SBF2: variants seen among roughly 807,000 people sequenced by gnomAD.
SBF2 encodes the protein SET binding factor 2.
Under a neutral mutation model 225.2 loss-of-function variants are expected in SBF2, and 112 were observed. The observed-to-expected ratio is 0.50, with a 90% CI of 0.43 to 0.58. The LOEUF is 0.58. Among genes scored for constraint, SBF2 ranks in the 20% least tolerant of loss-of-function variants. SBF2 has a pLI of 0.00. For missense variants in SBF2, 1,996 were observed against 2,206.2 expected, an observed-to-expected ratio of 0.90 and a Z score of 1.91; for synonymous variants, 763 against 773.3, an observed-to-expected ratio of 0.99 and a Z score of 0.22.
chr11:10,049,126 T>C (rs1302540651), intron 2 of SBF2, among the ~76,000 whole-genome samples: 1 of 152,192 alleles, frequency 6.6e-6, no homozygotes, highest in East Asian at 1.9e-4. Flanking sequence ...CAAAAGCAGG[T>C]ATGAGAATCC....
At chr11:10,170,811 C>G (rs1475142972) in intron 2 of SBF2, among the ~76,000 whole-genome samples, 1 of 142,792 alleles carries the variant, frequency 7.0e-6, no homozygotes, top group African/African-American at 2.5e-5. Context: ...TTTGTGTGTC[C>G]TCCTCAGTTT....
intron 3 of SBF2, among the ~76,000 whole-genome samples, chr11:10,033,041 A>G (rs1949317066): frequency 6.6e-6 from 1 of 152,242 alleles, no homozygotes; most frequent in Non-Finnish European, 1.5e-5. Flanking sequence ...TGTATGATAG[A>G]GTCCATATGC....
intron 2 of SBF2, among the ~76,000 whole-genome samples, chr11:10,104,767 T>C (rs762392187): frequency 2.1e-5 from 3 of 144,846 alleles, no homozygotes; most frequent in South Asian, 2.2e-4. Flanking sequence ...AATCCTCCAA[T>C]AGATTTTCTT....
At chr11:10,111,312 A>G (rs1952828359) in intron 2 of SBF2, among the ~76,000 whole-genome samples, 1 of 152,220 alleles carries the variant, frequency 6.6e-6, no homozygotes, top group Non-Finnish European at 1.5e-5. Context: ...TTTTTAATTT[A>G]TGGAGGAGGG....
chr11:10,270,731 C>T (rs1221326447), intron 1 of SBF2, among the ~76,000 whole-genome samples: 3 of 152,084 alleles, frequency 2.0e-5, no homozygotes, highest in Admixed American at 1.3e-4. Context: ...CGGTGGCTCA[C>T]GCCTGTAATC....
chr11:10,174,928 G>T (rs1224640607), intron 2 of SBF2, among the ~76,000 whole-genome samples: 1 of 150,886 alleles, frequency 6.6e-6, no homozygotes, highest in African/African-American at 2.4e-5. Flanking sequence ...ATAAGTGAAG[G>T]AGAAATAAAA....
chr11:9,990,525 A>G (rs1444489900), intron 12 of SBF2, among the ~76,000 whole-genome samples: 1 of 152,218 alleles, frequency 6.6e-6, no homozygotes. Context: ...CAAAGAGGGT[A>G]GAATGAGAAA....
chr11:9,840,756 G>A (rs1856074950), intron 25 of SBF2, among the ~76,000 whole-genome samples: 1 of 152,174 alleles, frequency 6.6e-6, no homozygotes, highest in Non-Finnish European at 1.5e-5. Context: ...CCTCAGAGAG[G>A]TATAAAGGAG....
intron 2 of SBF2, among the ~76,000 whole-genome samples, chr11:10,050,393 C>T (rs905890039): frequency 9.9e-5 from 15 of 152,076 alleles, no homozygotes; most frequent in Middle Eastern, 3.4e-3. Flanking sequence ...TGGATAATAC[C>T]GAACCCTGTA....
At chr11:10,174,085 A>G (rs1179995073) in intron 2 of SBF2, among the ~76,000 whole-genome samples, 1 of 151,808 alleles carries the variant, frequency 6.6e-6, no homozygotes, top group Non-Finnish European at 1.5e-5. Context: ...AAAACTGGAA[A>G]CTCTAAAAAG....
rs1048954259 is a variant in SBF2 at position 9,779,812 on chromosome 11, A to T, written c.*606T>A. 1.2e-5 allele frequency: 2 copies of T among 166,552 alleles called. No homozygotes were observed. Among genetic ancestry groups the T allele is most frequent in the Non-Finnish European group, 2.7e-5 (2 of 74,574 alleles). The allele number at this position is 166,552 out of a possible 1,614,324, so 10.3% of individuals were successfully genotyped here. A position where few individuals can be genotyped will look rare whatever the true frequency, so the allele number is the denominator to read the frequency against. ...ACCATTCCCTGGATAATCTTTTTCC[A>T]TCAGAATAATGCTGTGTGCTCCCTC... On this transcript the variant is annotated 3_prime_UTR_variant, in exon 40 of 40. Transcript: ENST00000256190.
Position 9,858,377 on chromosome 11 carries a change from C to T in SBF2, c.1949G>A (p.Ser650Asn). The T allele has an allele frequency of 3.1e-6, 5 of 1,614,144 alleles. No individual in the cohort carries two copies. The highest frequency in any genetic ancestry group is 4.2e-6 in the Non-Finnish European group (5 of 1,180,006). The change falls in exon 18 of 40, where the codon AGC becomes AAC. Residue 650 changes from serine (S) to asparagine (N), a missense_variant. Ser to Asn is a conservative substitution (Grantham distance 46). Coordinates refer to ENST00000256190, the MANE Select transcript of SBF2 (RefSeq NM_030962.4). ...TTGTACACACGTGTAAGCAAACTGGCTGACTCCAGGGGCAAGTTTCTGTGA... is the reference window on the plus strand; with the variant it reads ...TTGTACACACGTGTAAGCAAACTGGTTGACTCCAGGGGCAAGTTTCTGTGA... The part of the protein sequence containing the change: ...AFYRKLAPGV[S>N]QFAYTCVQDH...
At chr11:9,847,205 T>G in intron 22 of SBF2, 122 bp from the exon 23 acceptor site, 1 of 1,243,764 alleles carries the variant, frequency 8.0e-7, no homozygotes, top group Non-Finnish European at 1.2e-6. Flanking sequence ...TGCCCAGGGA[T>G]GCAGTGAAAG....
At chr11:10,238,677 C>T (rs1169024407) in intron 1 of SBF2, among the ~76,000 whole-genome samples, 3 of 150,758 alleles carry the variant, frequency 2.0e-5, no homozygotes, top group East Asian at 1.9e-4. Context: ...CTTTGGGAGG[C>T]TGAGGTGGGT....
At chr11:10,298,846 C>T (rs1354241691), upstream of SBF2, among the ~76,000 whole-genome samples, 1 of 152,174 alleles carries the variant, frequency 6.6e-6, no homozygotes, top group African/African-American at 2.4e-5. Flanking sequence ...CCGTTATCAC[C>T]TTCTACCTTT....
intron 29 of SBF2, among the ~76,000 whole-genome samples, chr11:9,813,397 G>A (rs532237135): frequency 4.6e-5 from 7 of 152,220 alleles, no homozygotes; most frequent in Admixed American, 1.3e-4. Context: ...GTGCGATCTT[G>A]ACTGACTGCA....
At chr11:9,850,888 C>T (rs1011424823) in intron 21 of SBF2, among the ~76,000 whole-genome samples, 2 of 152,108 alleles carry the variant, frequency 1.3e-5, no homozygotes, top group African/African-American at 4.8e-5. Context: ...GTAATCCCAG[C>T]ACTTTGGGAG....
chr11:10,196,866 A>ATATATTTTT lies in SBF2; in HGVS notation c.56-2880_56-2879insAAAAATATA. Among the ~76,000 whole-genome samples, 270 of 99,278 alleles carry ATATATTTTT rather than the reference A, an allele frequency of 2.7e-3. 5 individuals carry two copies. The highest frequency in any genetic ancestry group is 9.9e-3 in the African/African-American group (244 of 24,766). 65.1% of individuals were successfully genotyped at this position (99,278 alleles called of 152,430 possible). A position where few individuals can be genotyped will look rare whatever the true frequency, so the allele number is the denominator to read the frequency against. ...TATATATATATATATATATATATAT[A>ATATATTTTT]TTTTTTTTTTCCTACAAAATGAATA... is the stretch of plus-strand genomic sequence containing the variant. On this transcript the variant is annotated intron_variant, in intron 1 of 39. Coordinates refer to ENST00000256190, the MANE Select transcript of SBF2 (RefSeq NM_030962.4).
intron 16 of SBF2, among the ~76,000 whole-genome samples, chr11:9,897,131 A>G (rs1409549561): frequency 5.3e-5 from 8 of 152,248 alleles, no homozygotes; most frequent in African/African-American, 1.4e-4. Context: ...CTGTTGACAG[A>G]TAAGTGAATA....
Sources: allele counts gnomAD v4.1 joint callset (sites outside exome capture counted in the v4.1 genomes callset), GRCh38; gene constraint gnomAD v4.1.1; transcripts MANE v1.5; gene names NCBI Gene and HGNC (gene_info 2026-07-23, HGNC 2026-07-21).